The following KLHDC4 variants were observed in gnomAD, a reference collection of about 807,000 sequenced individuals.
The protein encoded by KLHDC4 is kelch domain-containing protein 4.
Under a neutral mutation model 62.4 loss-of-function variants are expected in KLHDC4, and 90 were observed. That is an observed-to-expected ratio of 1.44 (90% CI 1.22 to 1.72). The LOEUF (loss-of-function observed/expected upper bound fraction) is 1.72. KLHDC4 is among the 40% of genes most tolerant of loss of function. KLHDC4 has a pLI of 0.00. For missense variants in KLHDC4, 1,025 were observed against 699.7 expected (o/e 1.47, Z -5.25); for synonymous variants, 386 against 284.4 (o/e 1.36, Z -3.59).
chr16:87,711,327 C>T lies in KLHDC4; in HGVS notation c.952G>A (p.Glu318Lys), dbSNP rs373399033. The change falls in exon 9 of 12, where the codon GAG (glutamate) becomes AAG (lysine). Residue 318 changes from glutamate to lysine, a missense_variant. By Grantham distance (56) the Glu-to-Lys change is moderately conservative. Transcript: ENST00000270583. ...QTLFFGGVCD[E>K]EEEESLSGEF... is the part of the protein sequence containing the mutation. ...CCCGACAGGCTCTCCTCCTCTTCCT[C>T]GTCACAGACACCCCCGAAGAACAGT... 5 of 1,614,086 alleles carry T rather than the reference C, an allele frequency of 3.1e-6. No individual in the cohort carries two copies. The highest frequency in any genetic ancestry group is 2.2e-5 in the East Asian group (1 of 44,880).
At chr16:87,726,104 A>G (rs781356199) in intron 7 of KLHDC4, among the ~76,000 whole-genome samples, 69 of 152,122 alleles carry the variant, frequency 4.5e-4, no homozygotes, top group Non-Finnish European at 8.5e-4. Context: ...TCAACCAATG[A>G]GTAATCCCAT....
At chr16:87,704,312 A>C (rs1370511939), downstream of KLHDC4, among the ~76,000 whole-genome samples, 1 of 148,078 alleles carries the variant, frequency 6.8e-6, no homozygotes, top group South Asian at 2.2e-4. Flanking sequence ...CACACGGGGA[A>C]GGAGGCGCCT....
At chr16:87,757,730 A>G (rs1374094501) in intron 2 of KLHDC4, among the ~76,000 whole-genome samples, 2 of 151,810 alleles carry the variant, frequency 1.3e-5, no homozygotes, top group Non-Finnish European at 2.9e-5. Context: ...CGTCTCTACT[A>G]AAAATACAAA....
At chr16:87,704,240 G>A (rs1391320168), downstream of KLHDC4, among the ~76,000 whole-genome samples, 1 of 151,588 alleles carries the variant, frequency 6.6e-6, no homozygotes, top group Non-Finnish European at 1.5e-5. Context: ...GGCGCCTGTG[G>A]AGAGCCCTGG....
chr16:87,709,763 C>A (rs1356706515), intron 9 of KLHDC4, 96 bp from the exon 10 acceptor site: 2 of 1,370,292 alleles, frequency 1.5e-6, no homozygotes, highest in African/African-American at 2.9e-5. Context: ...TTGCGGGGAC[C>A]ACCCACAAGC....
At chr16:87,700,697 AGGAGGTTGGAGGGCGGAGGG>A in exon 1 of KLHDC4, 1 of 167,946 alleles carries the variant, frequency 6.0e-6, no homozygotes, top group South Asian at 5.5e-5. Context: ...GGGCGGAGGG[AGGAGGTTGGAGGGCGGAGGG>A]AGGAGGTTGG....
At chr16:87,741,967 C>CATA (rs1168643262) in intron 5 of KLHDC4, among the ~76,000 whole-genome samples, 21 of 152,342 alleles carry the variant, frequency 1.4e-4, no homozygotes, top group African/African-American at 5.1e-4. Flanking sequence ...TCTCAAAAGA[C>CATA]ATAAGCCCAC....
intron 4 of KLHDC4, among the ~76,000 whole-genome samples, chr16:87,753,360 A>T (rs971474839): frequency 1.3e-5 from 2 of 152,184 alleles, no homozygotes; most frequent in African/African-American, 4.8e-5. Flanking sequence ...GATGTCACTG[A>T]CCACACAGGT....
intron 2 of KLHDC4, among the ~76,000 whole-genome samples, chr16:87,759,913 G>C (rs1291769567): frequency 6.6e-6 from 1 of 152,166 alleles, no homozygotes; most frequent in Non-Finnish European, 1.5e-5. Flanking sequence ...AGGTGTTGCC[G>C]CCGCACAGGC....
intron 5 of KLHDC4, among the ~76,000 whole-genome samples, chr16:87,733,892 C>G (rs1330365723): frequency 6.6e-6 from 1 of 152,258 alleles, no homozygotes; most frequent in South Asian, 2.1e-4. Context: ...CACAGCAACT[C>G]TGGGCTGCAA....
intron 7 of KLHDC4, among the ~76,000 whole-genome samples, chr16:87,719,535 G>C (rs1416324418): frequency 6.6e-6 from 1 of 152,044 alleles, no homozygotes; most frequent in Non-Finnish European, 1.5e-5. Flanking sequence ...CACACGGAAG[G>C]CCGCAGGGTC....
intron 5 of KLHDC4, among the ~76,000 whole-genome samples, chr16:87,746,599 C>G (rs533564901): frequency 1.3e-5 from 2 of 152,286 alleles, no homozygotes; most frequent in South Asian, 4.1e-4. Context: ...GTTCATCCCC[C>G]ACACAGGTCT....
intron 7 of KLHDC4, among the ~76,000 whole-genome samples, chr16:87,726,069 AT>A (rs1470031497): frequency 6.6e-6 from 1 of 152,070 alleles, no homozygotes; most frequent in Non-Finnish European, 1.5e-5. Flanking sequence ...TCTATTTCTA[AT>A]TCTATACAAA....
chr16:87,746,004 C>T lies in KLHDC4; in HGVS notation c.506+2669G>A, dbSNP rs138977245. Reference sequence around the variant, plus strand: ...CTCAGCCTGGCACAGTGGCTCACACCTATAATCCCAGCTACTCAGGAAGCT... The same window carrying T: ...CTCAGCCTGGCACAGTGGCTCACACTTATAATCCCAGCTACTCAGGAAGCT... On this transcript the variant is annotated intron_variant, in intron 5 of 11. Transcript: ENST00000270583. 1.1e-4 allele frequency among the ~76,000 whole-genome samples: 17 copies of T among 152,246 alleles called. No individual in the cohort carries two copies. In the East Asian group the frequency reaches 3.3e-3, roughly 29 times the overall value.
chr16:87,727,013 T>C (rs1331750256), intron 6 of KLHDC4, 89 bp from the exon 7 acceptor site: 12 of 1,391,736 alleles, frequency 8.6e-6, no homozygotes. Flanking sequence ...TAAAGGTAAA[T>C]TTCCTACTGT....
Position 87,711,451 on chromosome 16 carries a change from A to C in KLHDC4, c.836-8T>G, listed in dbSNP as rs1168757215. 6.2e-7 allele frequency: 1 copy of C among 1,603,930 alleles called. No homozygotes were observed. Among genetic ancestry groups the C allele is most frequent in the African/African-American group, 1.3e-5 (1 of 74,780 alleles). ...GAGTCCAAACCCACTTGTCTGTCAA[A>C]AGAGAACAAGGAAGTGGGATAAGAA... On this transcript the variant is annotated splice_region_variant and splice_polypyrimidine_tract_variant and intron_variant, in intron 8 of 11. Transcript: ENST00000270583.
rs536557027 is a variant in KLHDC4 at position 87,730,590 on chromosome 16, T to C, written c.561A>G (p.Arg187=). 3.1e-6 allele frequency: 5 copies of C among 1,613,086 alleles called. No individual in the cohort carries two copies. Among genetic ancestry groups the C allele is most frequent in the South Asian group, 2.2e-5 (2 of 90,754 alleles). Residue 187 remains arginine (R), a synonymous_variant, in exon 6 of 12, where the codon AGA becomes AGG. Coordinates refer to ENST00000270583, the MANE Select transcript of KLHDC4 (RefSeq NM_017566.4). ...GGAAGCCACCAAACAGGATCAATTG[T>C]CTCTTCCAGGCCACCATCCGATGTC... ...RSGHRMVAWK[R]QLILFGGFHE...
At chr16:87,726,743 G>A (rs1464008880) in intron 7 of KLHDC4, 22 bp downstream of exon 7, 2 of 1,492,254 alleles carry the variant, frequency 1.3e-6, no homozygotes, top group East Asian at 2.6e-5. Context: ...CGCCTTGCCT[G>A]TTTCCCCACC....
chr16:87,754,995 C>T (rs796244695), intron 4 of KLHDC4, among the ~76,000 whole-genome samples, 199 bp downstream of exon 4: 1 of 152,178 alleles, frequency 6.6e-6, no homozygotes, highest in Admixed American at 6.6e-5. Flanking sequence ...CTCATGCCAC[C>T]TGGGGAGCAG....
Sources: allele counts gnomAD v4.1 joint callset (sites outside exome capture counted in the v4.1 genomes callset), GRCh38; gene constraint gnomAD v4.1.1; transcripts MANE v1.5; gene names NCBI Gene and HGNC (gene_info 2026-07-23, HGNC 2026-07-21).